CDH13: variants seen among roughly 807,000 people sequenced by gnomAD.
CDH13 encodes the protein cadherin-13.
Under a neutral mutation model 63.8 loss-of-function variants are expected in CDH13, and 24 were observed. The observed-to-expected ratio is 0.38, with a 90% confidence interval of 0.27 to 0.53. The LOEUF (loss-of-function observed/expected upper bound fraction) is 0.53, where lower values mean the gene tolerates loss of function less well. CDH13 is among the 20% of genes least tolerant of loss of function. The pLI is 0.85. For synonymous variants in CDH13, 503 were observed against 355.3 expected, an observed-to-expected ratio of 1.42 and a Z score of -4.67; for missense variants, 1,049 against 903.1, an observed-to-expected ratio of 1.16 and a Z score of -2.07.
chr16:83,604,422 G>A (rs375915307), intron 8 of CDH13, among the ~76,000 whole-genome samples: 24 of 152,236 alleles, frequency 1.6e-4, no homozygotes, highest in South Asian at 1.2e-3. Flanking sequence ...TTACACCACC[G>A]GGGTGGGGAT....
chr16:83,106,481 C>T (rs1282505347), intron 3 of CDH13, among the ~76,000 whole-genome samples: 9 of 152,244 alleles, frequency 5.9e-5, no homozygotes, highest in East Asian at 1.9e-4. Context: ...GCAGAGGTTG[C>T]GGTGGGCCGA....
At chr16:83,453,645 G>C (rs376363537) in intron 6 of CDH13, among the ~76,000 whole-genome samples, 2 of 152,234 alleles carry the variant, frequency 1.3e-5, no homozygotes, top group Non-Finnish European at 1.5e-5. Flanking sequence ...TTAATGGTGG[G>C]GTTCTCAGAT....
At chr16:83,297,685 G>A (rs957620940) in intron 5 of CDH13, among the ~76,000 whole-genome samples, 2 of 152,172 alleles carry the variant, frequency 1.3e-5, no homozygotes, top group Admixed American at 6.5e-5. Flanking sequence ...ACCAGTCAAG[G>A]AGATTTCAGT....
intron 1 of CDH13, among the ~76,000 whole-genome samples, chr16:82,852,820 C>G (rs2039547792): frequency 6.6e-6 from 1 of 152,170 alleles, no homozygotes; most frequent in Non-Finnish European, 1.5e-5. Context: ...TGACAGACTT[C>G]TCTGGCTAAA....
intron 4 of CDH13, among the ~76,000 whole-genome samples, chr16:83,156,615 C>G (rs1270366176): frequency 6.6e-6 from 1 of 152,178 alleles, no homozygotes; most frequent in African/African-American, 2.4e-5. Flanking sequence ...GCACCATGGG[C>G]AGCTAACAAG....
chr16:82,961,360 T>C (rs949194764), intron 2 of CDH13, among the ~76,000 whole-genome samples: 21 of 152,078 alleles, frequency 1.4e-4, no homozygotes, highest in East Asian at 3.9e-4. Flanking sequence ...TCTGGGGAAA[T>C]GGAGACGAGA....
At chr16:83,368,732 T>C (rs2091301209) in intron 6 of CDH13, among the ~76,000 whole-genome samples, 2 of 151,550 alleles carry the variant, frequency 1.3e-5, no homozygotes, top group African/African-American at 4.8e-5. Context: ...TGCATCCTTA[T>C]AGCTTAGCTC....
chr16:83,227,989 T>TCC (rs2039892407), intron 5 of CDH13, among the ~76,000 whole-genome samples: 1 of 152,044 alleles, frequency 6.6e-6, no homozygotes, highest in Non-Finnish European at 1.5e-5. Flanking sequence ...CCCTAAGTGC[T>TCC]GGGAATAGAC....
rs556961822 is a variant in CDH13 at position 82,674,460 on chromosome 16, C to A, written c.45+47323C>A. ...GCAATCCTCCAGACAGGGAAAATTT[C>A]TTTTCATTCTGTCTCCATGATATCA... On this transcript the variant is annotated intron_variant, in intron 1 of 13. Coordinates refer to ENST00000567109, the MANE Select transcript of CDH13 (RefSeq NM_001257.5). 2.4e-3 allele frequency among the ~76,000 whole-genome samples: 361 copies of A among 152,298 alleles called. 2 individuals are homozygous for A. The highest frequency in any genetic ancestry group is 5.6e-3 in the South Asian group (27 of 4,820).
At chr16:82,860,443 G>T (rs774254053) in intron 2 of CDH13, among the ~76,000 whole-genome samples, 24 of 151,288 alleles carry the variant, frequency 1.6e-4, no homozygotes, top group Non-Finnish European at 3.1e-4. Flanking sequence ...TAATTAAGTG[G>T]GTTATGGTTG....
intron 7 of CDH13, among the ~76,000 whole-genome samples, chr16:83,493,275 A>G (rs1330181888): frequency 1.3e-5 from 2 of 152,222 alleles, no homozygotes; most frequent in Non-Finnish European, 2.9e-5. Context: ...CAGGACGTAC[A>G]TTTACACTTT....
At chr16:83,110,270 A>G (rs772989490) in intron 3 of CDH13, among the ~76,000 whole-genome samples, 5 of 152,210 alleles carry the variant, frequency 3.3e-5, no homozygotes, top group Admixed American at 1.3e-4. Context: ...AAAATACTCA[A>G]GAGTCACTTA....
chr16:82,862,545 C>T (rs920382963), intron 2 of CDH13, among the ~76,000 whole-genome samples: 2 of 123,288 alleles, frequency 1.6e-5, no homozygotes, highest in African/African-American at 3.3e-5. Flanking sequence ...CACATAGCCA[C>T]CATTAGAACT....
At chr16:82,958,435 G>A (rs906007424) in intron 2 of CDH13, among the ~76,000 whole-genome samples, 2 of 152,168 alleles carry the variant, frequency 1.3e-5, no homozygotes, top group African/African-American at 4.8e-5. Flanking sequence ...ACCCAGTGAT[G>A]GTCCAGTGTC....
At chr16:83,010,320 A>G (rs1018331135) in intron 2 of CDH13, among the ~76,000 whole-genome samples, 5 of 151,968 alleles carry the variant, frequency 3.3e-5, no homozygotes, top group Non-Finnish European at 7.4e-5. Context: ...GGTTAACACT[A>G]TTTTCAATGA....
At chr16:83,371,282 C>A (rs187973253) in intron 6 of CDH13, among the ~76,000 whole-genome samples, 3 of 152,152 alleles carry the variant, frequency 2.0e-5, no homozygotes, top group Non-Finnish European at 2.9e-5. Flanking sequence ...TAAATCATTA[C>A]CCTCTCCTTC....
intron 7 of CDH13, among the ~76,000 whole-genome samples, chr16:83,540,065 A>T (rs1012266814): frequency 5.8e-5 from 8 of 137,248 alleles, no homozygotes; most frequent in East Asian, 4.3e-4. Flanking sequence ...TTGTCAATAA[A>T]TTTTTTTTTT....
intron 6 of CDH13, among the ~76,000 whole-genome samples, chr16:83,363,076 C>T (rs546216372): frequency 1.3e-5 from 2 of 152,258 alleles, no homozygotes; most frequent in South Asian, 4.1e-4. Context: ...AGGAAATTTT[C>T]TAGAGTTAGA....
At chr16:82,897,742 G>T (rs1002012890) in intron 2 of CDH13, among the ~76,000 whole-genome samples, 4 of 152,268 alleles carry the variant, frequency 2.6e-5, no homozygotes, top group Non-Finnish European at 5.9e-5. Context: ...CTGCTGAGTA[G>T]AGTCCTGAAA....
Sources: allele counts gnomAD v4.1 joint callset (sites outside exome capture counted in the v4.1 genomes callset), GRCh38; gene constraint gnomAD v4.1.1; transcripts MANE v1.5; gene names NCBI Gene and HGNC (gene_info 2026-07-23, HGNC 2026-07-21).